AKAP12: variants seen among roughly 807,000 people sequenced by gnomAD.
AKAP12 encodes the protein A-kinase anchoring protein 12.
A neutral mutation model predicts 79.9 loss-of-function variants in AKAP12; 32 were observed. The ratio of observed to expected loss-of-function variants is 0.40; its 90% CI spans 0.30 to 0.54. AKAP12 has a LOEUF of 0.54. AKAP12 is among the 20% of genes least tolerant of loss of function. The probability of loss-of-function intolerance (pLI) is 0.48; values close to 1 mark genes in which losing one functional copy is unlikely to be tolerated. For missense variants in AKAP12, 2,074 were observed against 2,177.0 expected, an observed-to-expected ratio of 0.95 and a Z score of 0.94; for synonymous variants, 808 against 857.0, an observed-to-expected ratio of 0.94 and a Z score of 1.00.
At position 151,352,177 on chromosome 6, in the gene AKAP12, G is replaced by A; in HGVS notation, c.3786G>A (p.Glu1262=). ...CTGTATCCATTCTGTCAAAGACTGA[G>A]GGGACTCAAGAGGCTGACCAGTATG... ...VETVSILSKT[E]GTQEADQYAD... is the part of the protein sequence containing the mutation. Residue 1262 remains glutamate (E), a synonymous_variant, in exon 4 of 5, where the codon GAG becomes GAA. Transcript: ENST00000402676. 6.2e-7 allele frequency: 1 copy of A among 1,614,178 alleles called. No homozygotes were observed. The highest frequency in any genetic ancestry group is 2.2e-5 in the East Asian group (1 of 44,878).
intron 2 of AKAP12, among the ~76,000 whole-genome samples, chr6:151,305,045 G>A (rs547277828): frequency 3.3e-5 from 5 of 152,284 alleles, no homozygotes; most frequent in East Asian, 1.9e-4. Context: ...CGCGCCAAGC[G>A]GCCTCCCTTC....
chr6:151,353,267 G>A lies in AKAP12; in HGVS notation c.4876G>A (p.Ala1626Thr). Reference protein sequence around the residue: ...EESESTAVGQAHSDISKDMSE... With the variant: ...EESESTAVGQTHSDISKDMSE... ...GTCAGAGTCAACCGCAGTGGGACAA[G>A]CACATTCTGATATTTCCAAAGACAT... The change falls in exon 4 of 5, where the codon GCA becomes ACA. Residue 1626 changes from alanine (A) to threonine (T), a missense_variant. By Grantham distance (58) the Ala-to-Thr change is moderately conservative. Around this residue, in one of 3 missense-constraint regions of AKAP12, gnomAD observed 614 missense variants for 665.6 expected, o/e 0.92. Coordinates refer to ENST00000402676, the MANE Select transcript of AKAP12 (RefSeq NM_005100.4). 6.2e-7 allele frequency: 1 copy of A among 1,614,156 alleles called. No homozygotes were observed. The highest frequency in any genetic ancestry group is 8.5e-7 in the Non-Finnish European group (1 of 1,180,032).
chr6:151,253,910 T>C (rs911831933), intron 2 of AKAP12, among the ~76,000 whole-genome samples: 5 of 152,066 alleles, frequency 3.3e-5, no homozygotes, highest in African/African-American at 1.2e-4. Context: ...GGTTTTACCA[T>C]GTTGGCCTGG....
intron 2 of AKAP12, 44 bp downstream of exon 2, chr6:151,240,768 TG>T: frequency 7.0e-6 from 1 of 143,594 alleles, no homozygotes; most frequent in Non-Finnish European, 9.4e-6. Flanking sequence ...CGCGGGTCTT[TG>T]GGGGTGGGGG....
chr6:151,315,875 G>C (rs1386056192), intron 3 of AKAP12, among the ~76,000 whole-genome samples: 1 of 152,098 alleles, frequency 6.6e-6, no homozygotes, highest in Non-Finnish European at 1.5e-5. Context: ...AGGAGAAGTG[G>C]CGAGCAAAAG....
intron 2 of AKAP12, among the ~76,000 whole-genome samples, chr6:151,248,267 A>T (rs1308114464): frequency 7.1e-6 from 1 of 140,812 alleles, no homozygotes; most frequent in Non-Finnish European, 1.5e-5. Flanking sequence ...GGATTCTGTG[A>T]TTTTTTTTTT....
intron 3 of AKAP12, among the ~76,000 whole-genome samples, chr6:151,310,780 A>T (rs751801990): frequency 1.2e-4 from 19 of 152,232 alleles, no homozygotes; most frequent in Non-Finnish European, 2.2e-4. Flanking sequence ...TCCAGTGATT[A>T]TCTCAGGTCT....
intron 2 of AKAP12, among the ~76,000 whole-genome samples, chr6:151,283,669 G>A (rs932429386): frequency 2.0e-5 from 3 of 152,180 alleles, no homozygotes; most frequent in Non-Finnish European, 2.9e-5. Flanking sequence ...TTCTCAAGGC[G>A]AGGCATTCTG....
chr6:151,312,495 A>G (rs1777127714), intron 3 of AKAP12, among the ~76,000 whole-genome samples: 1 of 151,374 alleles, frequency 6.6e-6, no homozygotes, highest in African/African-American at 2.4e-5. Context: ...AATAAAATAT[A>G]AGAATCATGA....
chr6:151,338,798 C>A (rs1186623675), intron 3 of AKAP12, among the ~76,000 whole-genome samples: 1 of 152,186 alleles, frequency 6.6e-6, no homozygotes, highest in Non-Finnish European at 1.5e-5. Context: ...GATGTTGTGT[C>A]CTTCTCAGGG....
intron 3 of AKAP12, among the ~76,000 whole-genome samples, chr6:151,332,037 T>TTTTGTTTG (rs1562743226): frequency 1.4e-5 from 2 of 141,238 alleles, no homozygotes; most frequent in African/African-American, 5.4e-5. Flanking sequence ...GGGTCTGTTT[T>TTTTGTTTG]TTTTTTTTTT....
chr6:151,247,418 CAAAACAAA>C (rs1198232398), intron 2 of AKAP12, among the ~76,000 whole-genome samples: 1 of 151,664 alleles, frequency 6.6e-6, no homozygotes, highest in Non-Finnish European at 1.5e-5. Context: ...AAAAACAAAA[CAAAACAAA>C]AAAACAAAAA....
chr6:151,353,314 C>T lies in AKAP12; in HGVS notation c.4923C>T (p.Thr1641=). 1.2e-6 allele frequency: 2 copies of T among 1,614,176 alleles called. No individual in the cohort carries two copies. The highest frequency in any genetic ancestry group is 1.1e-5 in the South Asian group (1 of 91,076). The change falls in exon 4 of 5, where the codon ACC becomes ACT. Residue 1641 remains threonine, a synonymous_variant. Coordinates refer to ENST00000402676, the MANE Select transcript of AKAP12 (RefSeq NM_005100.4). ...SKDMSEASEK[T]MTVEVEGSTV... ...ACATGAGTGAAGCCTCAGAAAAGAC[C>T]ATGACTGTTGAGGTAGAAGGTTCCA...
intron 2 of AKAP12, among the ~76,000 whole-genome samples, chr6:151,255,597 A>T (rs926468327): frequency 6.6e-6 from 1 of 152,112 alleles, no homozygotes; most frequent in South Asian, 2.1e-4. Context: ...CAGGAGTTAA[A>T]CACCAGCCTG....
At chr6:151,299,004 G>C (rs1422685704) in intron 2 of AKAP12, 1 of 152,172 alleles carries the variant, frequency 6.6e-6, no homozygotes, top group Non-Finnish European at 1.5e-5. Context: ...ATGTGCTCAA[G>C]GTCGTGAAAG....
rs190981663 is a variant in AKAP12, at chr6:151,245,444, C to T, written c.162+4720C>T. 5.7e-3 allele frequency among the ~76,000 whole-genome samples: 867 copies of T among 151,980 alleles called. 3 individuals carry two copies. The highest frequency in any genetic ancestry group is 8.3e-3 in the Admixed American group (126 of 15,270). On this transcript the variant is annotated intron_variant, in intron 2 of 4. Coordinates refer to ENST00000402676, the MANE Select transcript of AKAP12 (RefSeq NM_005100.4). ...CCGAGTCGCTGGGATTACAGGCACC[C>T]ACCACCACGCCCAGCTAAGTTTCTG...
chr6:151,240,174 T>G, intron 1 of AKAP12, 115 bp downstream of exon 1: 1 of 171,386 alleles, frequency 5.8e-6, no homozygotes, highest in Non-Finnish European at 1.2e-5. Flanking sequence ...AGTCGCCCTG[T>G]TAGAAACGGG....
chr6:151,308,359 C>G (rs1286979733), intron 3 of AKAP12, among the ~76,000 whole-genome samples: 2 of 151,954 alleles, frequency 1.3e-5, no homozygotes, highest in Non-Finnish European at 2.9e-5. Flanking sequence ...ACTACAGGTG[C>G]CTGCCATCAT....
chr6:151,249,644 T>A (rs925113100), intron 2 of AKAP12, among the ~76,000 whole-genome samples: 2 of 152,260 alleles, frequency 1.3e-5, no homozygotes, highest in African/African-American at 4.8e-5. Flanking sequence ...TTAAATTCAT[T>A]TTTATATGGG....
Sources: gnomAD v4.1 joint callset for allele counts (sites outside exome capture counted in the v4.1 genomes callset) on GRCh38, gnomAD v4.1.1 for gene constraint, gnomAD v4.1.1 regional missense constraint, MANE v1.5 for transcripts, NCBI Gene and HGNC (gene_info 2026-07-23, HGNC 2026-07-21) for gene names.